The following TCL1A variants were observed in gnomAD, a reference collection of about 807,000 sequenced individuals.
TCL1A encodes the protein T-cell leukemia/lymphoma protein 1A.
TCL1A carries 9 observed loss-of-function variants against 16.9 expected under a neutral mutation model. The ratio of observed to expected loss-of-function variants is 0.53; its 90% confidence interval spans 0.32 to 0.93. The LOEUF (loss-of-function observed/expected upper bound fraction) is 0.93, where lower values mean the gene tolerates loss of function less well. Ranked by LOEUF, TCL1A falls within the 40% of genes least tolerant of loss-of-function variation. The probability of loss-of-function intolerance (pLI) is 0.04; values close to 1 mark genes in which losing one functional copy is unlikely to be tolerated. For synonymous variants in TCL1A, 69 were observed against 63.2 expected, an observed-to-expected ratio of 1.09 and a Z score of -0.44; for missense variants, 139 against 153.0, an observed-to-expected ratio of 0.91 and a Z score of 0.48.
chr14:95,712,015 A>C (rs1595066079), intron 2 of TCL1A: 1 of 853,700 alleles, frequency 1.2e-6, no homozygotes, highest in East Asian at 2.6e-5. Flanking sequence ...GGTGGCTGGG[A>C]GGAAGTGGAG....
At chr14:95,712,525 G>T in intron 1 of TCL1A, 129 bp from the exon 2 acceptor site, 1 of 1,483,264 alleles carries the variant, frequency 6.7e-7, no homozygotes, top group Non-Finnish European at 8.9e-7. Context: ...GTGAAATGAT[G>T]GTCATCACTG....
At position 95,711,735 on chromosome 14, in the gene TCL1A, C is replaced by G. The variant is rs376401914; in HGVS notation, c.*6+14G>C. The G allele has an allele frequency of 2.4e-5, 38 of 1,612,842 alleles. No individual in the cohort carries two copies. Among genetic ancestry groups the G allele is most frequent in the Non-Finnish European group, 3.2e-5 (38 of 1,179,748 alleles). The stretch of plus-strand genomic sequence containing the variant: ...ACTGTGGACTAAGAGGGGTCAGGCT[C>G]CAGTGGAGCTCACCATACATCAGTC... On this transcript the variant is annotated intron_variant, in intron 3 of 3. Coordinates refer to ENST00000402399, the MANE Select transcript of TCL1A (RefSeq NM_021966.3).
Position 95,712,239 on chromosome 14 carries a change from C to G in TCL1A, c.278G>C (p.Arg93Pro), listed in dbSNP as rs142206584. Residue 93 changes from arginine to proline, a missense_variant, in exon 2 of 4, where the codon CGC becomes CCC. By Grantham distance (103) the Arg-to-Pro change is moderately radical. This residue lies in a region of TCL1A where 45 missense variants were observed against 72.8 expected (regional missense o/e 0.62). Transcript: ENST00000402399. ...RYRSSDSSFW[R>P]LVYHIKIDGV... ...ACTCACCTTGATGTGGTACACTAAG[C>G]GCCAGAAACTGGAGTCTGAGGATCG... 4 of 1,614,124 alleles carry G rather than the reference C, an allele frequency of 2.5e-6. No homozygotes were observed. In the Admixed American group the frequency reaches 5.0e-5, roughly 20 times the overall value.
intron 1 of TCL1A, among the ~76,000 whole-genome samples, chr14:95,713,656 G>T (rs540855591): frequency 6.6e-6 from 1 of 152,256 alleles, no homozygotes; most frequent in African/African-American, 2.4e-5. Flanking sequence ...CATTTTTAAG[G>T]ATTAGGACCC....
chr14:95,712,488 T>TCCAC, intron 1 of TCL1A, 92 bp from the exon 2 acceptor site: 1 of 1,524,720 alleles, frequency 6.6e-7, no homozygotes, highest in Non-Finnish European at 8.8e-7. Flanking sequence ...CTGCCAGCCA[T>TCCAC]CCACCCATCT....
chr14:95,713,441 G>C (rs1473346306), intron 1 of TCL1A, among the ~76,000 whole-genome samples: 1 of 152,240 alleles, frequency 6.6e-6, no homozygotes, highest in African/African-American at 2.4e-5. Context: ...TTCAATACCG[G>C]CGCTTATACT....
chr14:95,712,140 G>T, intron 2 of TCL1A, 80 bp downstream of exon 2: 3 of 1,524,972 alleles, frequency 2.0e-6, no homozygotes, highest in Non-Finnish European at 2.7e-6. Flanking sequence ...GGGATGGAGG[G>T]AAGATAAACC....
Position 95,714,062 on chromosome 14 carries a change from G to A in TCL1A, c.5C>T (p.Ala2Val), listed in dbSNP as rs2139724532. Residue 2 changes from alanine (A) to valine (V), a missense_variant, in exon 1 of 4, where the codon GCC (alanine) becomes GTC (valine). Around this residue, in one of 2 missense-constraint regions of TCL1A, gnomAD observed 94 missense variants for 80.2 expected, o/e 1.17. Coordinates refer to ENST00000402399, the MANE Select transcript of TCL1A (RefSeq NM_021966.3). M[A>V]ECPTLGEAVT... The stretch of plus-strand genomic sequence containing the variant: ...TGCCTCCCCGAGTGTCGGGCACTCG[G>A]CCATGGCGTCCTCGGGCCGCCTAAG... The A allele has an allele frequency of 6.2e-7, 1 of 1,613,626 alleles. No individual in the cohort carries two copies.
rs1886496939 is a variant in TCL1A, at chr14:95,714,085, A to C, written c.-19T>G. 6.2e-7 allele frequency: 1 copy of C among 1,612,438 alleles called. No homozygotes were observed. The highest frequency in any genetic ancestry group is 1.7e-5 in the Admixed American group (1 of 59,980). On this transcript the variant is annotated 5_prime_UTR_variant, in exon 1 of 4. Transcript: ENST00000402399. ...CGGCCATGGCGTCCTCGGGCCGCCT[A>C]AGAAGCAAGAGCCAGAGCCTCTCAA...
chr14:95,714,068 G>A lies in TCL1A; in HGVS notation c.-2C>T. 4 of 1,613,486 alleles carry A rather than the reference G, an allele frequency of 2.5e-6. No individual in the cohort carries two copies. The highest frequency in any genetic ancestry group is 3.4e-6 in the Non-Finnish European group (4 of 1,179,974). ...CCCGAGTGTCGGGCACTCGGCCATG[G>A]CGTCCTCGGGCCGCCTAAGAAGCAA... is the stretch of plus-strand genomic sequence containing the variant. On this transcript the variant is annotated 5_prime_UTR_variant, in exon 1 of 4. Transcript: ENST00000402399.
Position 95,712,375 on chromosome 14 carries a change from G to C in TCL1A, c.142C>G (p.Arg48Gly). 2 of 1,612,328 alleles carry C rather than the reference G, an allele frequency of 1.2e-6. No homozygotes were observed. The highest frequency in any genetic ancestry group is 1.7e-6 in the Non-Finnish European group (2 of 1,178,720). Residue 48 changes from arginine (R) to glycine (G), a missense_variant, in exon 2 of 4, where the codon CGG (arginine) becomes GGG (glycine). Arg to Gly is a moderately radical substitution (Grantham distance 125, BLOSUM62 -2). Around this residue, in one of 2 missense-constraint regions of TCL1A, gnomAD observed 94 missense variants for 80.2 expected, o/e 1.17. Transcript: ENST00000402399. ...TIEIKDRLQL[R>G]VLLRREDVVL... Reference sequence around the variant, plus strand: ...ACGTCTTCCCGACGCAAGAGCACCCGTAACTGTAACCTATCCTTTATCTGA... The same window carrying C: ...ACGTCTTCCCGACGCAAGAGCACCCCTAACTGTAACCTATCCTTTATCTGA...
At position 95,713,965 on chromosome 14, in the gene TCL1A, C is replaced by T. The variant is rs1160310919; in HGVS notation, c.102G>A (p.Trp34Ter). 6.2e-7 allele frequency: 1 copy of T among 1,613,988 alleles called. No individual in the cohort carries two copies. Residue 34 changes from tryptophan (W) to a stop codon, truncating the protein, a stop_gained, in exon 1 of 4, where the codon TGG becomes TGA. Transcript: ENST00000402399. LOFTEE classifies it high-confidence loss of function. ...FVYLDEKQHA[W>*]LPLTIEIKDR... ...GCTGTACCTCGATGGTTAAGGGCAG[C>T]CAGGCGTGCTGCTTCTCGTCCAAAT... is the stretch of plus-strand genomic sequence containing the variant.
At position 95,711,786 on chromosome 14, in the gene TCL1A, T is replaced by A. The variant is rs1302015539; in HGVS notation, c.314A>T (p.Asp105Val). 1.9e-6 allele frequency: 3 copies of A among 1,612,186 alleles called. No homozygotes were observed. Among genetic ancestry groups the A allele is most frequent in the Non-Finnish European group, 1.7e-6 (2 of 1,179,980 alleles). Residue 105 changes from aspartate (D) to valine (V), a missense_variant, in exon 3 of 4, where the codon GAC becomes GTC. Physicochemically the swap from Asp to Val is radical, Grantham distance 152. This residue lies in a region of TCL1A where 45 missense variants were observed against 72.8 expected (regional missense o/e 0.62). Coordinates refer to ENST00000402399, the MANE Select transcript of TCL1A (RefSeq NM_021966.3). ...VYHIKIDGVE[D>V]MLLELLPDD ...ATCTGGCAGCAGCTCGAGAAGCATGTCCTCCACGCCGTCAATCTGAGAGGC... is the reference window on the plus strand; with the variant it reads ...ATCTGGCAGCAGCTCGAGAAGCATGACCTCCACGCCGTCAATCTGAGAGGC...
At position 95,712,231 on chromosome 14, in the gene TCL1A, A is replaced by G. The variant is rs767707209; in HGVS notation, c.286T>C (p.Tyr96His). ...SSDSSFWRLVYHIKIDGVEDM... is the reference protein window; with the variant it reads ...SSDSSFWRLVHHIKIDGVEDM... Reference sequence around the variant, plus strand: ...AGAAAGACACTCACCTTGATGTGGTACACTAAGCGCCAGAAACTGGAGTCT... The same window carrying G: ...AGAAAGACACTCACCTTGATGTGGTGCACTAAGCGCCAGAAACTGGAGTCT... Residue 96 changes from tyrosine (Y) to histidine (H), a missense_variant, in exon 2 of 4, where the codon TAC (tyrosine) becomes CAC (histidine). By Grantham distance (83) the Tyr-to-His change is moderately conservative (BLOSUM62 2). This residue lies in a region of TCL1A where 45 missense variants were observed against 72.8 expected (regional missense o/e 0.62). Transcript: ENST00000402399. 1 of 1,614,066 alleles carries G rather than the reference A, an allele frequency of 6.2e-7. No homozygotes were observed. The highest frequency in any genetic ancestry group is 1.3e-5 in the African/African-American group (1 of 74,926).
chr14:95,711,429 A>C (rs1222560023), intron 3 of TCL1A: 2 of 219,482 alleles, frequency 9.1e-6, no homozygotes, highest in Non-Finnish European at 1.8e-5. Context: ...AGATTGCACC[A>C]CTACACTCTA....
intron 1 of TCL1A, among the ~76,000 whole-genome samples, chr14:95,713,552 A>G (rs540391225): frequency 1.3e-5 from 2 of 152,252 alleles, no homozygotes; most frequent in East Asian, 1.9e-4. Flanking sequence ...TTGACCCTAA[A>G]CTGTTGAGGG....
intron 1 of TCL1A, among the ~76,000 whole-genome samples, chr14:95,713,462 T>C (rs961059225): frequency 6.6e-6 from 1 of 152,306 alleles, no homozygotes; most frequent in Non-Finnish European, 1.5e-5. Context: ...ACGACATCAC[T>C]TGTTAAATTT....
At chr14:95,713,885 G>C in intron 1 of TCL1A, 62 bp downstream of exon 1, 2 of 1,599,100 alleles carry the variant, frequency 1.3e-6, no homozygotes, top group Non-Finnish European at 1.7e-6. Context: ...CCTTCCTAGG[G>C]CATCCCAAGC....
intron 3 of TCL1A, among the ~76,000 whole-genome samples, chr14:95,711,228 G>C (rs1302045000): frequency 6.6e-6 from 1 of 151,406 alleles, no homozygotes; most frequent in East Asian, 1.9e-4. Flanking sequence ...GGGAGGCCGA[G>C]GCGGGCAGAT....
Sources: gnomAD v4.1 joint callset for allele counts (sites outside exome capture counted in the v4.1 genomes callset) on GRCh38, gnomAD v4.1.1 for gene constraint, gnomAD v4.1.1 regional missense constraint, MANE v1.5 for transcripts, NCBI Gene and HGNC (gene_info 2026-07-23, HGNC 2026-07-21) for gene names.